Variants in FGF10 observed in about 807,000 individuals in gnomAD.
FGF10 encodes the protein FGF-10.
A neutral mutation model predicts 19.8 loss-of-function variants in FGF10; 2 were observed. That is an observed-to-expected ratio of 0.10 (90% confidence interval 0.04 to 0.32). The LOEUF is 0.32. FGF10 is among the 10% of genes least tolerant of loss of function. The probability of loss-of-function intolerance (pLI) is 1.00; values close to 1 mark genes in which losing one functional copy is unlikely to be tolerated. For synonymous variants in FGF10, 112 were observed against 94.0 expected (o/e 1.19, Z -1.10); for missense variants, 191 against 246.3 (o/e 0.78, Z 1.50).
chr5:44,306,093 T>C (rs1446567592), intron 2 of FGF10, among the ~76,000 whole-genome samples: 1 of 152,130 alleles, frequency 6.6e-6, no homozygotes, highest in East Asian at 1.9e-4. Flanking sequence ...AGCTCAATGA[T>C]CTCAAGACTC....
intron 1 of FGF10, among the ~76,000 whole-genome samples, chr5:44,362,534 C>T (rs1300371317): frequency 6.6e-6 from 1 of 151,702 alleles, no homozygotes; most frequent in African/African-American, 2.4e-5. Context: ...TATTTGACAA[C>T]ACTAGTGTTA....
chr5:44,370,939 G>A (rs888646034), intron 1 of FGF10, among the ~76,000 whole-genome samples: 2 of 152,070 alleles, frequency 1.3e-5, no homozygotes, highest in Non-Finnish European at 2.9e-5. Context: ...GATAAAAGAT[G>A]TTAGTTTCAA....
intron 1 of FGF10, among the ~76,000 whole-genome samples, chr5:44,336,708 G>A (rs1421821813): frequency 6.6e-6 from 1 of 152,176 alleles, no homozygotes; most frequent in African/African-American, 2.4e-5. Flanking sequence ...ATAGAATTTA[G>A]AACTGTGGTA....
chr5:44,368,741 T>C (rs572172296), intron 1 of FGF10, among the ~76,000 whole-genome samples: 1 of 152,208 alleles, frequency 6.6e-6, no homozygotes, highest in Admixed American at 6.5e-5. Flanking sequence ...CCATCAGGGC[T>C]CACTGCAGCC....
intron 1 of FGF10, among the ~76,000 whole-genome samples, chr5:44,374,791 G>T (rs1488580464): frequency 6.6e-6 from 1 of 151,982 alleles, no homozygotes; most frequent in Non-Finnish European, 1.5e-5. Flanking sequence ...ATTTTAAAGG[G>T]GATAAAGTAA....
At chr5:44,367,547 C>T (rs1265581672) in intron 1 of FGF10, among the ~76,000 whole-genome samples, 5 of 152,000 alleles carry the variant, frequency 3.3e-5, no homozygotes, top group Non-Finnish European at 7.4e-5. Context: ...ATCCTAGTCT[C>T]ATCAATTATT....
chr5:44,312,942 G>A (rs764892669), intron 1 of FGF10, among the ~76,000 whole-genome samples: 1 of 152,012 alleles, frequency 6.6e-6, no homozygotes, highest in Non-Finnish European at 1.5e-5. Flanking sequence ...AGGATGAACT[G>A]CAAGTGGTAT....
intron 1 of FGF10, among the ~76,000 whole-genome samples, chr5:44,354,144 C>T (rs890518925): frequency 6.6e-6 from 1 of 151,096 alleles, no homozygotes; most frequent in Non-Finnish European, 1.5e-5. Flanking sequence ...AAACAGACTC[C>T]TTAACAAAGA....
intron 1 of FGF10, among the ~76,000 whole-genome samples, chr5:44,327,287 A>G (rs907515506): frequency 6.6e-6 from 1 of 152,172 alleles, no homozygotes; most frequent in Non-Finnish European, 1.5e-5. Flanking sequence ...ATTTCTTGTG[A>G]CTTGTATGCT....
Position 44,300,986 on chromosome 5 carries a change from C to A in FGF10, c.*4009G>T, listed in dbSNP as rs1027796169. Among the ~76,000 whole-genome samples the A allele has an allele frequency of 6.6e-6, 1 of 151,978 alleles. No individual in the cohort carries two copies. Among genetic ancestry groups the A allele is most frequent in the Non-Finnish European group, 1.5e-5 (1 of 67,996 alleles). ...TAGACTAGAAGCAATCTGGCCTAAC[C>A]AAATAAAACCAATGAAGGGTAACAG... On this transcript the variant is annotated 3_prime_UTR_variant, in exon 3 of 3. Transcript: ENST00000264664.
chr5:44,320,702 T>C (rs1352345777), intron 1 of FGF10, among the ~76,000 whole-genome samples: 2 of 116,960 alleles, frequency 1.7e-5, no homozygotes, highest in Non-Finnish European at 4.2e-5. Flanking sequence ...TTCAAGTCTT[T>C]GGAGGTTTTC....
intron 1 of FGF10, among the ~76,000 whole-genome samples, chr5:44,345,058 A>T: frequency 6.6e-6 from 1 of 152,020 alleles, no homozygotes; most frequent in South Asian, 2.1e-4. Flanking sequence ...ATGTATATAC[A>T]CTATTTTCAA....
chr5:44,346,430 G>C (rs757484324), intron 1 of FGF10, among the ~76,000 whole-genome samples: 4 of 151,598 alleles, frequency 2.6e-5, no homozygotes, highest in Non-Finnish European at 5.9e-5. Context: ...ATTAATTTTG[G>C]AGATAACATC....
chr5:44,382,010 A>G (rs1444710024), intron 1 of FGF10, among the ~76,000 whole-genome samples: 1 of 152,206 alleles, frequency 6.6e-6, no homozygotes, highest in Non-Finnish European at 1.5e-5. Flanking sequence ...AAAACTTTGA[A>G]AATTATTCAT....
intron 1 of FGF10, among the ~76,000 whole-genome samples, chr5:44,363,297 A>G (rs980946025): frequency 2.2e-4 from 33 of 151,948 alleles, no homozygotes; most frequent in African/African-American, 7.5e-4. Flanking sequence ...ATTAAACACA[A>G]TCATTTTTAA....
chr5:44,306,771 A>G (rs1384604388), intron 2 of FGF10, among the ~76,000 whole-genome samples: 2 of 152,212 alleles, frequency 1.3e-5, no homozygotes, highest in Non-Finnish European at 2.9e-5. Context: ...CTTCTCTTCT[A>G]TAAAGTAATA....
intron 1 of FGF10, among the ~76,000 whole-genome samples, chr5:44,322,063 A>G (rs1430418601): frequency 9.2e-5 from 14 of 152,078 alleles, no homozygotes; most frequent in Admixed American, 9.2e-4. Flanking sequence ...GCGCCCAGCT[A>G]CATCTTCCCT....
At chr5:44,382,072 G>A (rs1420099308) in intron 1 of FGF10, among the ~76,000 whole-genome samples, 1 of 152,148 alleles carries the variant, frequency 6.6e-6, no homozygotes, top group Non-Finnish European at 1.5e-5. Context: ...GACAGGTTTA[G>A]GTTGAAGAAT....
At chr5:44,381,612 G>A (rs1427028373) in intron 1 of FGF10, among the ~76,000 whole-genome samples, 2 of 152,172 alleles carry the variant, frequency 1.3e-5, no homozygotes, top group Non-Finnish European at 2.9e-5. Context: ...AGAAGTCAAT[G>A]AGCCTTGAAT....
Sources: gnomAD v4.1 joint callset for allele counts (sites outside exome capture counted in the v4.1 genomes callset) on GRCh38, gnomAD v4.1.1 for gene constraint, MANE v1.5 for transcripts, NCBI Gene and HGNC (gene_info 2026-07-23, HGNC 2026-07-21) for gene names.